ALOX15: variants seen among roughly 807,000 people sequenced by gnomAD.
The protein encoded by ALOX15 is polyunsaturated fatty acid lipoxygenase ALOX15.
A neutral mutation model predicts 71.7 loss-of-function variants in ALOX15; 68 were observed. The ratio of observed to expected loss-of-function variants is 0.95; its 90% CI spans 0.78 to 1.16. The LOEUF (loss-of-function observed/expected upper bound fraction) is 1.16, where lower values mean the gene tolerates loss of function less well. Among genes scored for constraint, ALOX15 ranks in the 50% most tolerant of loss-of-function variants. The probability of loss-of-function intolerance (pLI) is 0.00; values close to 1 mark genes in which losing one functional copy is unlikely to be tolerated. For synonymous variants in ALOX15, 346 were observed against 333.3 expected, an observed-to-expected ratio of 1.04 and a Z score of -0.42; for missense variants, 798 against 818.8, an observed-to-expected ratio of 0.97 and a Z score of 0.31.
Position 4,639,541 on chromosome 17 carries a change from A to T in ALOX15, c.226T>A (p.Trp76Arg). The change falls in exon 2 of 14, where the codon TGG (tryptophan) becomes AGG (arginine). Residue 76 changes from tryptophan (W) to arginine (R), a missense_variant. This residue lies in a region of ALOX15 where 300 missense variants were observed against 283.1 expected (regional missense o/e 1.06). Transcript: ENST00000293761. ...RKRHLLKDDA[W>R]FCNWISVQGP... ...TGCACAGAGATCCAGTTGCAGAACC[A>T]GGCGTCGTCCTTAAGGAGGTGCCGT... is the stretch of plus-strand genomic sequence containing the variant. The T allele has an allele frequency of 1.2e-6, 2 of 1,613,890 alleles. No homozygotes were observed. The highest frequency in any genetic ancestry group is 1.7e-6 in the Non-Finnish European group (2 of 1,179,962).
intron 7 of ALOX15, among the ~76,000 whole-genome samples, chr17:4,636,473 C>T (rs1189882082): frequency 1.3e-5 from 2 of 152,082 alleles, no homozygotes; most frequent in East Asian, 3.9e-4. Flanking sequence ...CTCCCCTTTC[C>T]CCTCTCCTTG....
At position 4,639,316 on chromosome 17, in the gene ALOX15, C is replaced by A. The variant is rs897331620; in HGVS notation, c.337+114G>T. 3.6e-5 allele frequency: 52 copies of A among 1,425,624 alleles called. No individual in the cohort carries two copies. The African/African-American group carries it at 6.5e-4, about 18-fold the overall frequency. 88.3% of individuals were successfully genotyped at this position (1,425,624 alleles called of 1,614,324 possible). On this transcript the variant is annotated intron_variant, in intron 2 of 13. Coordinates refer to ENST00000293761, the MANE Select transcript of ALOX15 (RefSeq NM_001140.5). Reference sequence around the variant, plus strand: ...ACCGCCCCTTCGACACCCCCAAAGACCCCGGCGCTCCAGGTTCCAGCACCC... The same window carrying A: ...ACCGCCCCTTCGACACCCCCAAAGAACCCGGCGCTCCAGGTTCCAGCACCC...
Position 4,631,061 on chromosome 17 carries a change from C to A in ALOX15, c.*539G>T, listed in dbSNP as rs1910877658. 6.6e-6 allele frequency: 1 copy of A among 152,360 alleles called. No individual in the cohort carries two copies. The highest frequency in any genetic ancestry group is 1.5e-5 in the Non-Finnish European group (1 of 68,218). The allele number at this position is 152,360 out of a possible 1,614,324, so 9.4% of individuals were successfully genotyped here. On this transcript the variant is annotated 3_prime_UTR_variant, in exon 14 of 14. Coordinates refer to ENST00000293761, the MANE Select transcript of ALOX15 (RefSeq NM_001140.5). ...TAGGCAACATAGTGAGGCCCCGTCT[C>A]CACGAAAATAAAAAAATATTAGCTG... is the stretch of plus-strand genomic sequence containing the variant.
chr17:4,635,890 T>C lies in ALOX15; in HGVS notation c.1030A>G (p.Lys344Glu). Residue 344 changes from lysine to glutamate, a missense_variant, in exon 8 of 14, where the codon AAA becomes GAA. Coordinates refer to ENST00000293761, the MANE Select transcript of ALOX15 (RefSeq NM_001140.5). ...TDPPMAWLLA[K>E]CWVRSSDFQL... is the part of the protein sequence containing the mutation. ...AAGTCAGAGCTGCGCACCCAGCATT[T>C]GGCCAGAAGCCAGGCCATTGGGGGA... is the stretch of plus-strand genomic sequence containing the variant. 6.2e-7 allele frequency: 1 copy of C among 1,614,226 alleles called. No homozygotes were observed. The highest frequency in any genetic ancestry group is 8.5e-7 in the Non-Finnish European group (1 of 1,180,042).
intron 1 of ALOX15, chr17:4,639,868 C>G (rs1911257306): frequency 2.0e-6 from 1 of 508,570 alleles, no homozygotes; most frequent in South Asian, 2.1e-5. Context: ...TTCACTTTCT[C>G]CTCCCTGTGG....
rs199808667 is a variant in ALOX15 at position 4,631,994 on chromosome 17, G to A, written c.1704C>T (p.Thr568=). Residue 568 remains threonine, a synonymous_variant, in exon 13 of 14, where the codon ACC becomes ACT. Transcript: ENST00000293761. ...PCTMRLPPPT[T]KDATLETVMA... is the part of the protein sequence containing the mutation. The stretch of plus-strand genomic sequence containing the variant: ...TCACTGTCTCCAGCGTTGCATCCTT[G>A]GTGGTTGGCGGGGGCAGCCGCATCG... The A allele has an allele frequency of 5.0e-6, 8 of 1,613,938 alleles. No homozygotes were observed. The highest frequency in any genetic ancestry group is 1.3e-5 in the African/African-American group (1 of 74,954).
At chr17:4,639,215 T>C in intron 2 of ALOX15, 83 bp from the exon 3 acceptor site, 1 of 1,543,566 alleles carries the variant, frequency 6.5e-7, no homozygotes, top group South Asian at 1.1e-5. Flanking sequence ...CAGCACCCCG[T>C]CCTTCTGTGT....
chr17:4,631,492 G>T lies in ALOX15; in HGVS notation c.*108C>A. ...ATGAAAAGGTGCCCCTCTAGGGAGGGTGGGACATGGGAAGAGGGTGGGACT... is the reference window on the plus strand; with the variant it reads ...ATGAAAAGGTGCCCCTCTAGGGAGGTTGGGACATGGGAAGAGGGTGGGACT... On this transcript the variant is annotated 3_prime_UTR_variant, in exon 14 of 14. Coordinates refer to ENST00000293761, the MANE Select transcript of ALOX15 (RefSeq NM_001140.5). 1 of 1,375,784 alleles carries T rather than the reference G, an allele frequency of 7.3e-7. No homozygotes were observed. The highest frequency in any genetic ancestry group is 9.9e-7 in the Non-Finnish European group (1 of 1,013,914). The allele number at this position is 1,375,784 out of a possible 1,614,324, so 85.2% of individuals were successfully genotyped here.
intron 11 of ALOX15, 114 bp downstream of exon 11, chr17:4,632,747 G>T (rs897694246): frequency 1.3e-6 from 2 of 1,525,214 alleles, no homozygotes; most frequent in Non-Finnish European, 1.8e-6. Context: ...GAAGGCCTCT[G>T]GAGTTCTCAT....
intron 7 of ALOX15, among the ~76,000 whole-genome samples, chr17:4,636,753 C>A (rs1442804371): frequency 1.3e-5 from 2 of 152,150 alleles, no homozygotes; most frequent in Non-Finnish European, 2.9e-5. Flanking sequence ...AATTGCCTGA[C>A]TCCTCTACCT....
chr17:4,636,222 CTTCCCCTTTCAG>C (rs1443798578), intron 7 of ALOX15, among the ~76,000 whole-genome samples: 3 of 152,220 alleles, frequency 2.0e-5, no homozygotes, highest in Admixed American at 2.0e-4. Context: ...CCAGCCTCCA[CTTCCCCTTTCAG>C]TTCCCACAGT....
At position 4,631,526 on chromosome 17, in the gene ALOX15, C is replaced by A. The variant is rs1910894504; in HGVS notation, c.*74G>T. On this transcript the variant is annotated 3_prime_UTR_variant, in exon 14 of 14. Transcript: ENST00000293761. ...GGGAAGAGGGTGGGACTTGGGAGGG[C>A]AGGGCTATAACCACGAAGGGGTCAG... 7.7e-6 allele frequency: 12 copies of A among 1,556,352 alleles called. No homozygotes were observed.
At chr17:4,634,634 A>G (rs12941486) in intron 8 of ALOX15, among the ~76,000 whole-genome samples, 4 of 151,988 alleles carry the variant, frequency 2.6e-5, no homozygotes, top group African/African-American at 4.8e-5. Flanking sequence ...GTATTGCATT[A>G]TATCTGTGCT....
Position 4,637,180 on chromosome 17 carries a change from G to A in ALOX15, c.886C>T (p.Leu296=), listed in dbSNP as rs199757246. ...TTCAGCATGACTAGAGGGGCAGCCA[G>A]GTGCTGCTGGCTACAGAGAATGACG... ...ANVILCSQQH[L]AAPLVMLKLQ... is the part of the protein sequence containing the mutation. The change falls in exon 7 of 14, where the codon CTG becomes TTG. Residue 296 remains leucine, a synonymous_variant. Coordinates refer to ENST00000293761, the MANE Select transcript of ALOX15 (RefSeq NM_001140.5). 92 of 1,614,036 alleles carry A rather than the reference G, an allele frequency of 5.7e-5. No homozygotes were observed. The Admixed American group carries it at 1.5e-3, about 27-fold the overall frequency.
chr17:4,639,039 A>G lies in ALOX15; in HGVS notation c.419+12T>C. The G allele has an allele frequency of 6.2e-7, 1 of 1,614,170 alleles. No homozygotes were observed. Among genetic ancestry groups the G allele is most frequent in the Non-Finnish European group, 8.5e-7 (1 of 1,180,018 alleles). On this transcript the variant is annotated intron_variant, in intron 3 of 13. Coordinates refer to ENST00000293761, the MANE Select transcript of ALOX15 (RefSeq NM_001140.5). ...TCAGCAGCTCACGTGGGGTCAGGGGAGGAGGGCTCACCGGTACAACTTCCT... is the reference window on the plus strand; with the variant it reads ...TCAGCAGCTCACGTGGGGTCAGGGGGGGAGGGCTCACCGGTACAACTTCCT...
intron 8 of ALOX15, among the ~76,000 whole-genome samples, chr17:4,635,510 T>C (rs1254920974): frequency 6.6e-6 from 1 of 152,168 alleles, no homozygotes; most frequent in Non-Finnish European, 1.5e-5. Context: ...ATGGAATCCT[T>C]GGTCATTTGC....
At chr17:4,634,057 G>A (rs978130062) in intron 8 of ALOX15, among the ~76,000 whole-genome samples, 9 of 152,150 alleles carry the variant, frequency 5.9e-5, no homozygotes, top group African/African-American at 2.2e-4. Context: ...GGAGTGAGGG[G>A]ATCCAAAAAC....
In ALOX15 at chr17:4,639,127, T is replaced by C. The variant is rs770850282; in HGVS notation, c.343A>G (p.Thr115Ala). 6.2e-6 allele frequency: 10 copies of C among 1,614,184 alleles called. No homozygotes were observed. In the African/African-American group the frequency reaches 1.2e-4, roughly 19 times the overall value. ...VLSLPEGTGR[T>A]VGEDPQGLFQ... Reference sequence around the variant, plus strand: ...AGGCCCTGAGGGTCCTCGCCCACAGTGCGGCCTAGAAGGACAGAGGAGGAC... The same window carrying C: ...AGGCCCTGAGGGTCCTCGCCCACAGCGCGGCCTAGAAGGACAGAGGAGGAC... Residue 115 changes from threonine to alanine, a missense_variant, in exon 3 of 14, where the codon ACT (threonine) becomes GCT (alanine). Physicochemically the swap from Thr to Ala is moderately conservative, Grantham distance 58. Transcript: ENST00000293761.
At position 4,635,960 on chromosome 17, in the gene ALOX15, CAGCTGG is replaced by C; in HGVS notation, c.954_959del (p.Gln319_Leu320del). ...GAGGTGGTGGGGATCCTGTGCGGGGCAGCTGGAGCTGGAGCAGGGACAAGTGTGGGG... is the reference window on the plus strand; with the variant it reads ...GAGGTGGTGGGGATCCTGTGCGGGGCAGCTGGAGCAGGGACAAGTGTGGGG... On this transcript the variant is annotated inframe_deletion and splice_region_variant, in exon 8 of 14. Transcript: ENST00000293761. The C allele has an allele frequency of 2.0e-5, 32 of 1,613,636 alleles. No individual in the cohort carries two copies. Among genetic ancestry groups the C allele is most frequent in the African/African-American group, 8.0e-5 (6 of 75,040 alleles).
Sources: gnomAD v4.1 joint callset for allele counts (sites outside exome capture counted in the v4.1 genomes callset) on GRCh38, gnomAD v4.1.1 for gene constraint, gnomAD v4.1.1 regional missense constraint, MANE v1.5 for transcripts, NCBI Gene and HGNC (gene_info 2026-07-23, HGNC 2026-07-21) for gene names.